LPP: variants seen among roughly 807,000 people sequenced by gnomAD.
LPP encodes LIM domain containing preferred translocation partner in lipoma.
In LPP, 38 loss-of-function variants were observed where a neutral mutation model predicts 60.4. That is an observed-to-expected ratio of 0.63 (90% CI 0.49 to 0.83). The LOEUF (loss-of-function observed/expected upper bound fraction) is 0.83. LPP is among the 40% of genes least tolerant of loss of function. The pLI is 0.00. For missense variants in LPP, 902 were observed against 783.6 expected (o/e 1.15, Z -1.80); for synonymous variants, 328 against 290.8 (o/e 1.13, Z -1.30).
At chr3:188,767,216 A>G (rs1734434054) in intron 9 of LPP, among the ~76,000 whole-genome samples, 1 of 152,310 alleles carries the variant, frequency 6.6e-6, no homozygotes, top group South Asian at 2.1e-4. Flanking sequence ...GTAAACTCAG[A>G]CCAAAATAAG....
intron 1 of LPP, among the ~76,000 whole-genome samples, chr3:188,185,376 C>T (rs533832587): frequency 3.3e-5 from 5 of 152,166 alleles, no homozygotes; most frequent in South Asian, 2.1e-4. Context: ...CTTCTTCACT[C>T]GCTCTTGTTT....
In LPP at chr3:188,390,144, C is replaced by A. The variant is rs572180866; in HGVS notation, c.-9-15968C>A. 3.8e-4 allele frequency among the ~76,000 whole-genome samples: 58 copies of A among 152,286 alleles called. 2 individuals carry two copies. The highest frequency in any genetic ancestry group is 3.7e-3 in the East Asian group (19 of 5,184). ...GTGTCTCCGTGTCTTTGGTGTGCCACAGTCACAGGCCTGCTCCTGCCCCTC... is the reference window on the plus strand; with the variant it reads ...GTGTCTCCGTGTCTTTGGTGTGCCAAAGTCACAGGCCTGCTCCTGCCCCTC... On this transcript the variant is annotated intron_variant, in intron 3 of 11. Transcript: ENST00000617246.
At chr3:188,505,449 ACTTTGAT>A (rs1359560569) in intron 5 of LPP, among the ~76,000 whole-genome samples, 2 of 152,044 alleles carry the variant, frequency 1.3e-5, no homozygotes, top group Non-Finnish European at 2.9e-5. Context: ...AATAAGATCA[ACTTTGAT>A]CTTTCTTTAT....
intron 7 of LPP, among the ~76,000 whole-genome samples, chr3:188,617,188 G>T (rs1489258975): frequency 6.6e-6 from 1 of 152,098 alleles, no homozygotes. Flanking sequence ...GCTAGCCTAC[G>T]TAAACCATCA....
chr3:188,319,209 A>G (rs913330103), intron 2 of LPP, among the ~76,000 whole-genome samples: 3 of 152,194 alleles, frequency 2.0e-5, no homozygotes, highest in Non-Finnish European at 4.4e-5. Context: ...AGGAACACAC[A>G]CTGGAACAGA....
At chr3:188,156,852 C>T (rs936834922) in intron 1 of LPP, among the ~76,000 whole-genome samples, 1 of 136,852 alleles carries the variant, frequency 7.3e-6, no homozygotes, top group African/African-American at 3.1e-5. Context: ...CTGCGCCCCA[C>T]CCCCCCAAGA....
intron 8 of LPP, among the ~76,000 whole-genome samples, chr3:188,743,198 A>C (rs1725041865): frequency 6.6e-6 from 1 of 152,172 alleles, no homozygotes; most frequent in Non-Finnish European, 1.5e-5. Context: ...ATTTTAAGAA[A>C]TTAAAACATT....
intron 4 of LPP, among the ~76,000 whole-genome samples, chr3:188,477,628 A>G (rs1003481843): frequency 6.6e-6 from 1 of 152,210 alleles, no homozygotes; most frequent in Non-Finnish European, 1.5e-5. Flanking sequence ...GAGATGACAC[A>G]TTTTCAGGTA....
chr3:188,548,857 A>T (rs758759152), intron 6 of LPP, among the ~76,000 whole-genome samples: 3 of 152,194 alleles, frequency 2.0e-5, no homozygotes, highest in Non-Finnish European at 4.4e-5. Context: ...GCCCAACACT[A>T]TCAAGTGAGA....
At chr3:188,456,489 T>C (rs1797773428) in intron 4 of LPP, among the ~76,000 whole-genome samples, 1 of 152,232 alleles carries the variant, frequency 6.6e-6, no homozygotes, top group Non-Finnish European at 1.5e-5. Context: ...GATAAAGATA[T>C]CAGCAGAGGC....
chr3:188,464,295 G>C (rs1012065268), intron 4 of LPP, among the ~76,000 whole-genome samples: 2 of 152,180 alleles, frequency 1.3e-5, no homozygotes, highest in Admixed American at 6.5e-5. Context: ...TGATATGGTA[G>C]CTGCTAGCCC....
In LPP at chr3:188,234,652, G is replaced by A. The variant is rs187204471; in HGVS notation, c.-67+9125G>A. ...ACATTTGACTCTCACATTCATACACGTAGGCTGGCTGTGGGAGATGAAAAG... is the reference window on the plus strand; with the variant it reads ...ACATTTGACTCTCACATTCATACACATAGGCTGGCTGTGGGAGATGAAAAG... On this transcript the variant is annotated intron_variant, in intron 2 of 11. Transcript: ENST00000617246. Among the ~76,000 whole-genome samples the A allele has an allele frequency of 2.5e-4, 38 of 152,262 alleles. No individual in the cohort carries two copies. In the Middle Eastern group the frequency reaches 0.01, roughly 41 times the overall value.
At chr3:188,837,889 C>A (rs968065312) in intron 9 of LPP, among the ~76,000 whole-genome samples, 1 of 151,904 alleles carries the variant, frequency 6.6e-6, no homozygotes, top group African/African-American at 2.4e-5. Context: ...TGAATCCTGG[C>A]AGTGTGTTCT....
Position 188,326,178 on chromosome 3 carries a change from A to C in LPP, c.-66-15485A>C, listed in dbSNP as rs559935077. ...TCTAAAGCTTTAAGTTTGGCGTTTG[A>C]GGTGGTTGGAAATACCAGGTCTTCC... is the stretch of plus-strand genomic sequence containing the variant. On this transcript the variant is annotated intron_variant, in intron 2 of 11. Transcript: ENST00000617246. 7.0e-4 allele frequency among the ~76,000 whole-genome samples: 107 copies of C among 152,256 alleles called. 1 individual carries two copies. Among genetic ancestry groups the C allele is most frequent in the African/African-American group, 2.4e-3 (101 of 41,540 alleles).
intron 2 of LPP, among the ~76,000 whole-genome samples, chr3:188,242,867 GAGAA>G (rs1725477636): frequency 6.6e-6 from 1 of 152,150 alleles, no homozygotes; most frequent in Non-Finnish European, 1.5e-5. Flanking sequence ...AAGCAAGTTG[GAGAA>G]AGAGATTATG....
intron 2 of LPP, among the ~76,000 whole-genome samples, chr3:188,230,771 C>G (rs1157332721): frequency 7.1e-6 from 1 of 140,440 alleles, no homozygotes; most frequent in African/African-American, 2.6e-5. Context: ...AAAACTCTGT[C>G]TCAAAAAAAA....
intron 4 of LPP, among the ~76,000 whole-genome samples, chr3:188,472,328 T>C (rs1802048661): frequency 2.0e-5 from 3 of 152,096 alleles, no homozygotes; most frequent in Non-Finnish European, 4.4e-5. Flanking sequence ...ATATTTCAGC[T>C]AGCAGGTGGT....
At chr3:188,298,369 TG>T (rs912358146) in intron 2 of LPP, among the ~76,000 whole-genome samples, 2 of 152,136 alleles carry the variant, frequency 1.3e-5, no homozygotes, top group Non-Finnish European at 2.9e-5. Context: ...CTGATCCTCC[TG>T]GGGGCACTAG....
intron 1 of LPP, among the ~76,000 whole-genome samples, chr3:188,188,757 ATGC>A (rs1727311671): frequency 6.6e-6 from 1 of 152,194 alleles, no homozygotes; most frequent in Non-Finnish European, 1.5e-5. Context: ...TGTATTGAAG[ATGC>A]TGCATCATTG....
Sources: gnomAD v4.1 joint callset for allele counts (sites outside exome capture counted in the v4.1 genomes callset) on GRCh38, gnomAD v4.1.1 for gene constraint, MANE v1.5 for transcripts, NCBI Gene and HGNC (gene_info 2026-07-23, HGNC 2026-07-21) for gene names.